CFAP65: variants seen among roughly 807,000 people sequenced by gnomAD.
CFAP65 encodes cilia- and flagella-associated protein 65.
Under a neutral mutation model 208.0 loss-of-function variants are expected in CFAP65, and 155 were observed. The observed-to-expected ratio is 0.75, with a 90% CI of 0.65 to 0.85. The LOEUF (loss-of-function observed/expected upper bound fraction) is 0.85, where lower values mean the gene tolerates loss of function less well. CFAP65 is among the 40% of genes least tolerant of loss of function. CFAP65 has a pLI of 0.00. For missense variants in CFAP65, 2,294 were observed against 2,451.3 expected (o/e 0.94, Z 1.36); for synonymous variants, 970 against 986.3 (o/e 0.98, Z 0.31).
At position 219,003,935 on chromosome 2, in the gene CFAP65, G is replaced by A; in HGVS notation, c.5555+17C>T. ...ACTTCGCCTCCCTCCCGTCCTCACT[G>A]GGGCCTGGCTGCTCACCTTCTGATG... On this transcript the variant is annotated intron_variant, in intron 33 of 34. Transcript: ENST00000341552. The surrounding 1 kb of genome is among the most constrained non-coding windows in gnomAD (Gnocchi z 4.4). 1 of 1,601,768 alleles carries A rather than the reference G, an allele frequency of 6.2e-7. No homozygotes were observed. Among genetic ancestry groups the A allele is most frequent in the Non-Finnish European group, 8.5e-7 (1 of 1,172,642 alleles).
At chr2:219,022,701 G>T (rs966964614) in intron 16 of CFAP65, among the ~76,000 whole-genome samples, 36 of 152,216 alleles carry the variant, frequency 2.4e-4, no homozygotes, top group African/African-American at 8.4e-4. Flanking sequence ...TCTTACAGAT[G>T]CCTGTGCTGG....
intron 11 of CFAP65, among the ~76,000 whole-genome samples, chr2:219,029,063 T>C (rs1484370305): frequency 6.6e-6 from 1 of 152,172 alleles, no homozygotes; most frequent in Non-Finnish European, 1.5e-5. Context: ...GAAGAATTAG[T>C]CTGTGAAGTC....
In CFAP65 at chr2:219,027,671, G is replaced by C. The variant is rs751971073; in HGVS notation, c.2190C>G (p.Leu730=). 1.2e-6 allele frequency: 2 copies of C among 1,613,930 alleles called. No homozygotes were observed. Among genetic ancestry groups the C allele is most frequent in the East Asian group, 2.2e-5 (1 of 44,874 alleles). The change falls in exon 13 of 35, where the codon CTC becomes CTG. Residue 730 remains leucine, a synonymous_variant. Transcript: ENST00000341552. ...PHPNCLYTVE[L]EAFAIYKVLQ... is the part of the protein sequence containing the mutation. ...ACACCTTATAGATGGCGAAGGCTTCGAGCTCCACCGTGTAAAGGCAGTTGG... is the reference window on the plus strand; with the variant it reads ...ACACCTTATAGATGGCGAAGGCTTCCAGCTCCACCGTGTAAAGGCAGTTGG...
Position 219,002,883 on chromosome 2 carries a change from G to T in CFAP65, c.*54C>A. 1 of 1,426,334 alleles carries T rather than the reference G, an allele frequency of 7.0e-7. No homozygotes were observed. The highest frequency in any genetic ancestry group is 9.7e-7 in the Non-Finnish European group (1 of 1,031,806). 88.4% of individuals were successfully genotyped at this position (1,426,334 alleles called of 1,614,324 possible). ...ACTAGATGCTTTTACTGGCGGTGGA[G>T]AGGGGGCCAGGCGTGACCCCTAGCG... On this transcript the variant is annotated 3_prime_UTR_variant, in exon 35 of 35. Coordinates refer to ENST00000341552, the MANE Select transcript of CFAP65 (RefSeq NM_194302.4). This position sits in a 1 kb window ranked among gnomAD's most constrained non-coding sequence, Gnocchi z 7.9.
At position 219,026,079 on chromosome 2, in the gene CFAP65, G is replaced by A; in HGVS notation, c.2292C>T (p.His764=). Residue 764 remains histidine, a synonymous_variant, in exon 14 of 35, where the codon CAC becomes CAT. Transcript: ENST00000341552. ...SWCLTVRARG[H]SYFAGFEHHI... ...GGTGCTCAAAGCCAGCGAAATAGCTGTGGCCTCGTGCCCGCACCGTCAGGC... is the reference window on the plus strand; with the variant it reads ...GGTGCTCAAAGCCAGCGAAATAGCTATGGCCTCGTGCCCGCACCGTCAGGC... The A allele has an allele frequency of 1.2e-6, 2 of 1,614,156 alleles. No individual in the cohort carries two copies. The highest frequency in any genetic ancestry group is 1.7e-6 in the Non-Finnish European group (2 of 1,180,036).
chr2:219,024,633 G>A (rs190486124), intron 14 of CFAP65, among the ~76,000 whole-genome samples: 4 of 152,306 alleles, frequency 2.6e-5, no homozygotes, highest in African/African-American at 9.6e-5. Context: ...AAGCTCTGGG[G>A]CTGCAGTAAG....
rs775476097 is a variant in CFAP65, at chr2:219,013,849, T to G, written c.3779+19A>C. The G allele has an allele frequency of 5.2e-5, 82 of 1,565,218 alleles. 1 individual carries two copies. The highest frequency in any genetic ancestry group is 7.0e-5 in the Non-Finnish European group (81 of 1,154,030). ...CCTCTATGACTGGAAGTGCAGGGGG[T>G]TTGGGGGGTGGGGAACACCTGTATT... is the stretch of plus-strand genomic sequence containing the variant. On this transcript the variant is annotated intron_variant, in intron 22 of 34. Transcript: ENST00000341552.
rs1338489813 is a variant in CFAP65, at chr2:219,031,961, C to T, written c.646-303G>A. Among the ~76,000 whole-genome samples the T allele has an allele frequency of 1.3e-5, 2 of 148,332 alleles. No homozygotes were observed. Among genetic ancestry groups the T allele is most frequent in the Non-Finnish European group, 3.0e-5 (2 of 67,352 alleles). ...TTTTTTTTTGAGTCTCGCTCTGTCA[C>T]CCAGGCTGGAGTGCAGTGGTGAGAT... On this transcript the variant is annotated intron_variant, in intron 6 of 34. Transcript: ENST00000341552. The surrounding 1 kb of genome is among the most constrained non-coding windows in gnomAD (Gnocchi z 5.2).
At chr2:219,035,183 A>T in intron 5 of CFAP65, 2 of 757,978 alleles carry the variant, frequency 2.6e-6, no homozygotes, top group Non-Finnish European at 4.1e-6. Context: ...AAACTCTTGT[A>T]CTTATGTAAC....
Position 219,027,848 on chromosome 2 carries a change from A to C in CFAP65, c.2013T>G (p.Pro671=). 1.3e-6 allele frequency: 2 copies of C among 1,590,422 alleles called. No homozygotes were observed. The highest frequency in any genetic ancestry group is 1.7e-6 in the Non-Finnish European group (2 of 1,165,888). Residue 671 remains proline, a synonymous_variant, in exon 13 of 35, where the codon CCT becomes CCG. Transcript: ENST00000341552. ...TGTGGTTCATCAGGCACAGGGGTAC[A>C]GGGTTGGGGGCCTCAGGCCCTGGGC... ...GACPGPEAPN[P]VPLCLMNHTK...
intron 15 of CFAP65, 139 bp from the exon 16 acceptor site, chr2:219,023,570 C>T (rs559753091): frequency 4.1e-5 from 27 of 654,680 alleles, no homozygotes; most frequent in Middle Eastern, 4.1e-4. Flanking sequence ...GCCCGTGTAC[C>T]GGCAGTTTCT....
At position 219,032,021 on chromosome 2, in the gene CFAP65, G is replaced by A. The variant is rs994049678; in HGVS notation, c.646-363C>T. Among the ~76,000 whole-genome samples, 19 of 150,726 alleles carry A rather than the reference G, an allele frequency of 1.3e-4. No individual in the cohort carries two copies. Among genetic ancestry groups the A allele is most frequent in the African/African-American group, 4.2e-4 (17 of 40,888 alleles). On this transcript the variant is annotated intron_variant, in intron 6 of 34. Coordinates refer to ENST00000341552, the MANE Select transcript of CFAP65 (RefSeq NM_194302.4). This position sits in a 1 kb window ranked among gnomAD's most constrained non-coding sequence, Gnocchi z 5.5. Reference sequence around the variant, plus strand: ...CTGCAACAGCCGCCTCCCGGTTCAAGTGATTCTGCTGCCTCAGCCTCCCAA... The same window carrying A: ...CTGCAACAGCCGCCTCCCGGTTCAAATGATTCTGCTGCCTCAGCCTCCCAA...
At chr2:219,018,754 A>G in intron 21 of CFAP65, 1 of 393,526 alleles carries the variant, frequency 2.5e-6, no homozygotes, top group Non-Finnish European at 4.7e-6. Context: ...CCTGGCATGC[A>G]GCAGATGCCC....
In CFAP65 at chr2:219,013,775, G is replaced by A. The variant is rs1019075940; in HGVS notation, c.3779+93C>T. ...GAGAAGGTGGTCCTCCCAGGGAATG[G>A]CCATTTGGGGTGCCCTGGAGTCATA... On this transcript the variant is annotated intron_variant, in intron 22 of 34. Coordinates refer to ENST00000341552, the MANE Select transcript of CFAP65 (RefSeq NM_194302.4). 4.7e-5 allele frequency: 60 copies of A among 1,274,704 alleles called. No homozygotes were observed. In the Admixed American group the frequency reaches 1.1e-3, roughly 22 times the overall value. 79.0% of individuals were successfully genotyped at this position (1,274,704 alleles called of 1,614,324 possible).
At chr2:219,038,743 C>A in intron 3 of CFAP65, 153 bp downstream of exon 3, 1 of 1,122,656 alleles carries the variant, frequency 8.9e-7, no homozygotes, top group South Asian at 1.5e-5. Context: ...ACACGAGATC[C>A]AGGGCTTTGC....
At chr2:219,024,784 A>G (rs1039860509) in intron 14 of CFAP65, among the ~76,000 whole-genome samples, 1 of 152,076 alleles carries the variant, frequency 6.6e-6, no homozygotes, top group East Asian at 1.9e-4. Flanking sequence ...AAAAGTACCA[A>G]AATTAGCCAG....
chr2:219,003,410 C>T lies in CFAP65; in HGVS notation c.5556-138G>A. ...TCCCCTCATCCACTACACTATGGGG[C>T]ATTCTTGTTTCAATGTTACGGACGT... On this transcript the variant is annotated intron_variant, in intron 33 of 34. Coordinates refer to ENST00000341552, the MANE Select transcript of CFAP65 (RefSeq NM_194302.4). The surrounding 1 kb of genome is among the most constrained non-coding windows in gnomAD (Gnocchi z 4.4). 1 of 1,104,602 alleles carries T rather than the reference C, an allele frequency of 9.1e-7. No individual in the cohort carries two copies. Among genetic ancestry groups the T allele is most frequent in the East Asian group, 2.8e-5 (1 of 36,168 alleles). 68.4% of individuals were successfully genotyped at this position (1,104,602 alleles called of 1,614,324 possible). A position where few individuals can be genotyped will look rare whatever the true frequency, so the allele number is the denominator to read the frequency against.
At chr2:219,019,384 G>C in intron 20 of CFAP65, 122 bp downstream of exon 20, 1 of 1,079,908 alleles carries the variant, frequency 9.3e-7, no homozygotes, top group Non-Finnish European at 1.3e-6. Context: ...GAACTGGGGA[G>C]CTCTTCCCTC....
chr2:219,035,712 G>A, intron 4 of CFAP65, 48 bp from the exon 5 acceptor site: 1 of 1,555,028 alleles, frequency 6.4e-7, no homozygotes, highest in Non-Finnish European at 8.7e-7. Context: ...TGTATCAGCA[G>A]GGTGGGATGC....
Sources: gnomAD v4.1 joint callset for allele counts (sites outside exome capture counted in the v4.1 genomes callset) on GRCh38, gnomAD v4.1.1 for gene constraint, Gnocchi (gnomAD v3.1) non-coding constraint, MANE v1.5 for transcripts, NCBI Gene and HGNC (gene_info 2026-07-23, HGNC 2026-07-21) for gene names.